Variants in PLXNA4 observed in about 807,000 individuals in gnomAD.
PLXNA4 encodes plexin A4.
Under a neutral mutation model 191.8 loss-of-function variants are expected in PLXNA4, and 44 were observed. That is an observed-to-expected ratio of 0.23 (90% CI 0.18 to 0.29). PLXNA4 has a LOEUF of 0.29. Among genes scored for constraint, PLXNA4 ranks in the 10% least tolerant of loss-of-function variants. The probability of loss-of-function intolerance (pLI) is 1.00; values close to 1 mark genes in which losing one functional copy is unlikely to be tolerated. For synonymous variants in PLXNA4, 1,082 were observed against 1,009.5 expected, an observed-to-expected ratio of 1.07 and a Z score of -1.36; for missense variants, 1,800 against 2,488.8, an observed-to-expected ratio of 0.72 and a Z score of 5.89.
At chr7:132,133,667 G>GCTA (rs1449318354) in intron 30 of PLXNA4, among the ~76,000 whole-genome samples, 1 of 152,202 alleles carries the variant, frequency 6.6e-6, no homozygotes, top group African/African-American at 2.4e-5. Flanking sequence ...CAGGGCTGAG[G>GCTA]CTACTCAGGG....
chr7:132,631,185 T>A (rs1014671915), intron 2 of PLXNA4, among the ~76,000 whole-genome samples: 1 of 152,244 alleles, frequency 6.6e-6, no homozygotes, highest in African/African-American at 2.4e-5. Flanking sequence ...AAGAATATTA[T>A]TTTAAATTAC....
intron 4 of PLXNA4, among the ~76,000 whole-genome samples, chr7:132,251,354 T>A (rs1334812638): frequency 6.6e-6 from 1 of 152,150 alleles, no homozygotes; most frequent in Non-Finnish European, 1.5e-5. Context: ...CCTACTGTTG[T>A]GTGTTTCCCA....
intron 2 of PLXNA4, among the ~76,000 whole-genome samples, chr7:132,590,219 G>A (rs558050252): frequency 2.0e-5 from 3 of 152,254 alleles, no homozygotes; most frequent in South Asian, 2.1e-4. Flanking sequence ...AGGCACAGAA[G>A]GTAACTGAGG....
chr7:132,621,673 G>T (rs1169157021), intron 2 of PLXNA4, among the ~76,000 whole-genome samples: 1 of 152,142 alleles, frequency 6.6e-6, no homozygotes, highest in Non-Finnish European at 1.5e-5. Context: ...TGGGTCAAAG[G>T]ACATGAACAC....
At chr7:132,132,497 TTTCTA>T (rs1159802824) in intron 31 of PLXNA4, among the ~76,000 whole-genome samples, 3,939 of 111,798 alleles carry the variant, frequency 0.035, 213 homozygotes, top group African/African-American at 0.077. Flanking sequence ...GCTCTATTCT[TTTCTA>T]TTCTATTCTA....
chr7:132,526,484 A>C (rs1468488272), intron 1 of PLXNA4, among the ~76,000 whole-genome samples: 2 of 152,200 alleles, frequency 1.3e-5, no homozygotes, highest in African/African-American at 4.8e-5. Flanking sequence ...TGTAGGTTTC[A>C]GTTTCATCCC....
At chr7:132,432,326 G>A (rs927158414) in intron 3 of PLXNA4, among the ~76,000 whole-genome samples, 2 of 152,182 alleles carry the variant, frequency 1.3e-5, no homozygotes, top group Non-Finnish European at 2.9e-5. Flanking sequence ...AAGAAAGCAG[G>A]AATGGGGATT....
chr7:132,386,874 T>A (rs1200663660), intron 3 of PLXNA4, among the ~76,000 whole-genome samples: 1 of 152,240 alleles, frequency 6.6e-6, no homozygotes. Flanking sequence ...ACATGTCTTA[T>A]AGGCCAGAGC....
intron 3 of PLXNA4, among the ~76,000 whole-genome samples, chr7:132,392,596 C>T (rs531240269): frequency 1.3e-5 from 2 of 152,350 alleles, no homozygotes; most frequent in Non-Finnish European, 2.9e-5. Context: ...CTGGCAGTCA[C>T]TGTCTGGCCT....
chr7:132,453,540 C>T (rs577461166), intron 3 of PLXNA4, among the ~76,000 whole-genome samples: 1 of 135,070 alleles, frequency 7.4e-6, no homozygotes, highest in East Asian at 1.9e-4. Context: ...CCTTTGCCCA[C>T]AGTGAGGGTT....
chr7:132,392,335 C>A (rs1203452933), intron 3 of PLXNA4, among the ~76,000 whole-genome samples: 1 of 152,172 alleles, frequency 6.6e-6, no homozygotes, highest in Non-Finnish European at 1.5e-5. Context: ...ATGGAGGGAA[C>A]AAAGCTAACT....
chr7:132,467,946 T>C (rs993708077), intron 3 of PLXNA4, among the ~76,000 whole-genome samples: 14 of 152,290 alleles, frequency 9.2e-5, no homozygotes, highest in African/African-American at 2.9e-4. Context: ...TCCCCTCTAA[T>C]GCCATCAGCA....
intron 5 of PLXNA4, among the ~76,000 whole-genome samples, chr7:132,231,436 AT>A (rs952747411): frequency 1.3e-5 from 2 of 151,976 alleles, no homozygotes; most frequent in East Asian, 3.9e-4. Flanking sequence ...TTTTATTTTT[AT>A]TTTTTGAGAC....
intron 1 of PLXNA4, among the ~76,000 whole-genome samples, chr7:132,566,995 G>A (rs1801758237): frequency 6.6e-6 from 1 of 152,152 alleles, no homozygotes; most frequent in Non-Finnish European, 1.5e-5. Context: ...GCTTCCAGTT[G>A]AAGGTCACCA....
At chr7:132,492,075 A>G (rs1219606866) in intron 2 of PLXNA4, among the ~76,000 whole-genome samples, 2 of 152,136 alleles carry the variant, frequency 1.3e-5, no homozygotes, top group African/African-American at 4.8e-5. Flanking sequence ...TGCTGCAGGG[A>G]CCTCTGGCGT....
intron 1 of PLXNA4, among the ~76,000 whole-genome samples, chr7:132,559,813 T>C (rs921587790): frequency 1.3e-5 from 2 of 152,266 alleles, no homozygotes; most frequent in East Asian, 3.8e-4. Flanking sequence ...ATTCATTTTT[T>C]CCCCATGTAT....
At position 132,298,170 on chromosome 7, in the gene PLXNA4, A is replaced by G; in HGVS notation, c.1424T>C (p.Val475Ala). Residue 475 changes from valine (V) to alanine (A), a missense_variant, in exon 4 of 32, where the codon GTG becomes GCG. Transcript: ENST00000321063. ...CCGGAGGACTGGGCCGGGGTCCACC[A>G]CCTGCACCGTCTCATACTGGAGGGC... ...GNALQYETVQ[V>A]VDPGPVLRDM... 6.2e-7 allele frequency: 1 copy of G among 1,614,182 alleles called. No homozygotes were observed. The highest frequency in any genetic ancestry group is 1.1e-5 in the South Asian group (1 of 91,080).
At chr7:132,418,142 G>T (rs1794726787) in intron 3 of PLXNA4, among the ~76,000 whole-genome samples, 1 of 152,146 alleles carries the variant, frequency 6.6e-6, no homozygotes. Context: ...CACAAGCACT[G>T]CCCTTCTTGT....
intron 2 of PLXNA4, among the ~76,000 whole-genome samples, chr7:132,500,932 T>C (rs1045004299): frequency 6.6e-6 from 1 of 152,160 alleles, no homozygotes; most frequent in Non-Finnish European, 1.5e-5. Flanking sequence ...TCCTGACTCC[T>C]AGACCAGTAA....
Sources: gnomAD v4.1 joint callset for allele counts (sites outside exome capture counted in the v4.1 genomes callset) on GRCh38, gnomAD v4.1.1 for gene constraint, MANE v1.5 for transcripts, NCBI Gene and HGNC (gene_info 2026-07-23, HGNC 2026-07-21) for gene names.